The following LRRFIP1 variants were observed in gnomAD, a reference collection of about 807,000 sequenced individuals.
LRRFIP1 encodes the protein leucine-rich repeat flightless-interacting protein 1.
LRRFIP1 carries 62 observed loss-of-function variants against 104.4 expected under a neutral mutation model. The ratio of observed to expected loss-of-function variants is 0.59; its 90% CI spans 0.48 to 0.73. The LOEUF (loss-of-function observed/expected upper bound fraction) is 0.73. Ranked by LOEUF, LRRFIP1 falls within the 30% of genes least tolerant of loss-of-function variation. LRRFIP1 has a pLI of 0.00. For missense variants in LRRFIP1, 796 were observed against 824.5 expected (o/e 0.97, Z 0.42); for synonymous variants, 300 against 299.0 (o/e 1.00, Z -0.03).
intron 1 of LRRFIP1, among the ~76,000 whole-genome samples, chr2:237,689,753 C>T (rs540183861): frequency 6.6e-6 from 1 of 152,272 alleles, no homozygotes; most frequent in South Asian, 2.1e-4. Flanking sequence ...AGTCAGGGCA[C>T]CTACCAAGGG....
intron 8 of LRRFIP1, among the ~76,000 whole-genome samples, 167 bp from the exon 9 acceptor site, chr2:237,733,607 C>T (rs1445113870): frequency 6.6e-6 from 1 of 152,240 alleles, no homozygotes; most frequent in Non-Finnish European, 1.5e-5. Context: ...GGATTTGCAT[C>T]TATCAAATTT....
At chr2:237,689,349 C>G (rs1334622664) in intron 1 of LRRFIP1, among the ~76,000 whole-genome samples, 1 of 152,164 alleles carries the variant, frequency 6.6e-6, no homozygotes, top group African/African-American at 2.4e-5. Flanking sequence ...GGTTCTGAGA[C>G]TTCCACCTCA....
At chr2:237,755,396 T>C (rs548219728) in intron 15 of LRRFIP1, among the ~76,000 whole-genome samples, 17 of 152,296 alleles carry the variant, frequency 1.1e-4, no homozygotes, top group Middle Eastern at 3.4e-3. Context: ...CAAAGAGTTT[T>C]CCTTGTCATA....
intron 1 of LRRFIP1, among the ~76,000 whole-genome samples, chr2:237,647,498 C>A (rs931327503): frequency 1.3e-5 from 2 of 152,060 alleles, no homozygotes; most frequent in Admixed American, 6.5e-5. Context: ...TAGAGGGTGT[C>A]CCTTCCCTCA....
intron 1 of LRRFIP1, among the ~76,000 whole-genome samples, chr2:237,695,307 G>A (rs1012905125): frequency 6.6e-6 from 1 of 152,148 alleles, no homozygotes; most frequent in African/African-American, 2.4e-5. Context: ...AAAAAACCCT[G>A]CAGTCTCAAC....
chr2:237,696,285 G>A lies in LRRFIP1; in HGVS notation c.97-12259G>A, dbSNP rs532062805. Among the ~76,000 whole-genome samples the A allele has an allele frequency of 1.8e-4, 27 of 152,248 alleles. No homozygotes were observed. The South Asian group carries it at 4.8e-3, about 27-fold the overall frequency. ...CTGTCTTTTTTACTGTATGTGGCAC[G>A]TGGCTGTGTGATTTTCCTAGGGAAA... On this transcript the variant is annotated intron_variant, in intron 1 of 23. Transcript: ENST00000308482.
At chr2:237,645,885 C>A (rs1278390455) in intron 1 of LRRFIP1, among the ~76,000 whole-genome samples, 1,927 of 152,076 alleles carry the variant, frequency 0.013, 61 homozygotes, top group African/African-American at 0.043. Context: ...TTACAAAGCC[C>A]TGTCCACTGG....
In LRRFIP1 at chr2:237,760,133, G is replaced by A. The variant is rs2059705197; in HGVS notation, c.1387G>A (p.Gly463Arg). ...GETSDTLNNV[G>R]YQGPTKMTKE... The stretch of plus-strand genomic sequence containing the variant: ...GACTTCCGACACCCTCAATAATGTT[G>A]GATACCAAGGTCCTACCAAGATGAC... Residue 463 changes from glycine to arginine, a missense_variant, in exon 19 of 24, where the codon GGA (glycine) becomes AGA (arginine). By Grantham distance (125) the Gly-to-Arg change is moderately radical. Transcript: ENST00000308482. The A allele has an allele frequency of 6.2e-7, 1 of 1,613,740 alleles. No homozygotes were observed.
chr2:237,639,059 A>G (rs948519920), intron 1 of LRRFIP1, among the ~76,000 whole-genome samples: 13 of 152,206 alleles, frequency 8.5e-5, no homozygotes, highest in Admixed American at 7.2e-4. Flanking sequence ...GTAAAGAGCT[A>G]GAGCCCACAG....
intron 1 of LRRFIP1, chr2:237,692,146 C>CGT (rs1315237691): frequency 1.9e-5 from 14 of 721,176 alleles, no homozygotes; most frequent in Non-Finnish European, 2.0e-5. Flanking sequence ...GGCGGAACTG[C>CGT]GTGGGGGGCG....
chr2:237,731,276 C>T (rs1315103522), intron 8 of LRRFIP1, among the ~76,000 whole-genome samples: 1 of 152,192 alleles, frequency 6.6e-6, no homozygotes, highest in Non-Finnish European at 1.5e-5. Flanking sequence ...TTTCCAGCCC[C>T]TATTCTCGTT....
intron 1 of LRRFIP1, among the ~76,000 whole-genome samples, chr2:237,690,594 G>A (rs770440915): frequency 2.6e-5 from 4 of 151,866 alleles, no homozygotes. Flanking sequence ...AAAATGAGCC[G>A]GGCATGGTGG....
chr2:237,706,570 G>A lies in LRRFIP1; in HGVS notation c.97-1974G>A, dbSNP rs557452726. Among the ~76,000 whole-genome samples the A allele has an allele frequency of 1.1e-4, 17 of 152,314 alleles. 1 individual carries two copies. Among genetic ancestry groups the A allele is most frequent in the South Asian group, 1.0e-3 (5 of 4,826 alleles). On this transcript the variant is annotated intron_variant, in intron 1 of 23. Transcript: ENST00000308482. ...TGGCCCATTGGTAGGGCCGTAGGAC[G>A]TCACTCTAATGCCTTTCCTTCTCTG...
At position 237,779,675 on chromosome 2, in the gene LRRFIP1, G is replaced by A. The variant is rs748943102; in HGVS notation, c.*143G>A. ...GCGAGCTTGGCGCTTAGGGGCTCCCGTGCCATGGCTCACCCCAGGGAGCCC... is the reference window on the plus strand; with the variant it reads ...GCGAGCTTGGCGCTTAGGGGCTCCCATGCCATGGCTCACCCCAGGGAGCCC... On this transcript the variant is annotated 3_prime_UTR_variant, in exon 24 of 24. Coordinates refer to ENST00000308482, the MANE Select transcript of LRRFIP1 (RefSeq NM_001137550.2). 14 of 656,838 alleles carry A rather than the reference G, an allele frequency of 2.1e-5. No homozygotes were observed. The highest frequency in any genetic ancestry group is 4.5e-4 in the Middle Eastern group (1 of 2,236). 40.7% of individuals were successfully genotyped at this position (656,838 alleles called of 1,614,324 possible).
intron 1 of LRRFIP1, among the ~76,000 whole-genome samples, chr2:237,634,203 G>T (rs1279226803): frequency 2.0e-5 from 3 of 152,094 alleles, no homozygotes; most frequent in Non-Finnish European, 4.4e-5. Flanking sequence ...CAATGATCTG[G>T]TAATGATCTC....
intron 14 of LRRFIP1, 72 bp downstream of exon 14, chr2:237,751,343 A>G: frequency 8.0e-7 from 1 of 1,246,918 alleles, no homozygotes; most frequent in Non-Finnish European, 1.1e-6. Flanking sequence ...AACATCCTAA[A>G]GAAGAAATTC....
At chr2:237,639,465 AG>A (rs1203836819) in intron 1 of LRRFIP1, among the ~76,000 whole-genome samples, 6 of 152,186 alleles carry the variant, frequency 3.9e-5, no homozygotes, top group Non-Finnish European at 8.8e-5. Context: ...ATCAACAGTA[AG>A]GTACCATCAG....
chr2:237,769,909 T>C, intron 19 of LRRFIP1, 34 bp from the exon 20 acceptor site: 1 of 1,548,134 alleles, frequency 6.5e-7, no homozygotes, highest in Non-Finnish European at 8.8e-7. Flanking sequence ...GGCACGCGGA[T>C]TCACCTAAAC....
rs148938091 is a variant in LRRFIP1, at chr2:237,661,099, C to T, written c.96+33359C>T. On this transcript the variant is annotated intron_variant, in intron 1 of 23. Transcript: ENST00000308482. This position sits in a 1 kb window ranked among gnomAD's most constrained non-coding sequence, Gnocchi z 4.4. ...TCCCACCGCTTCCTGGGTTGGGCTG[C>T]GGGGAGAGGCCTTGCTACAGTGGGT... Among the ~76,000 whole-genome samples the T allele has an allele frequency of 0.01, 1,571 of 152,188 alleles. 15 individuals are homozygous for T. Among genetic ancestry groups the T allele is most frequent in the Middle Eastern group, 0.044 (13 of 294 alleles).
Sources: allele counts gnomAD v4.1 joint callset (sites outside exome capture counted in the v4.1 genomes callset), GRCh38; gene constraint gnomAD v4.1.1; non-coding constraint Gnocchi (gnomAD v3.1); transcripts MANE v1.5; gene names NCBI Gene and HGNC (gene_info 2026-07-23, HGNC 2026-07-21).